The following KCNQ5 variants were observed in gnomAD, a reference collection of about 807,000 sequenced individuals.
KCNQ5 encodes the protein potassium voltage-gated channel subfamily Q member 5, also known as potassium voltage-gated channel subfamily KQT member 5.
KCNQ5 carries 30 observed loss-of-function variants against 98.2 expected under a neutral mutation model. The observed-to-expected ratio is 0.31, with a 90% CI of 0.23 to 0.41. The LOEUF is 0.41. Ranked by LOEUF, KCNQ5 falls within the 10% of genes least tolerant of loss-of-function variation. The pLI is 1.00. For missense variants in KCNQ5, 835 were observed against 1,182.5 expected (o/e 0.71, Z 4.31); for synonymous variants, 458 against 449.4 (o/e 1.02, Z -0.24).
At chr6:72,789,929 A>T (rs1773945479) in intron 1 of KCNQ5, among the ~76,000 whole-genome samples, 1 of 152,196 alleles carries the variant, frequency 6.6e-6, no homozygotes, top group African/African-American at 2.4e-5. Context: ...CTTACGTTTC[A>T]CAAAGGACCA....
At chr6:73,169,718 T>G in intron 10 of KCNQ5, 28 bp from the exon 11 acceptor site, 2 of 1,476,042 alleles carry the variant, frequency 1.4e-6, no homozygotes, top group Non-Finnish European at 1.9e-6. Flanking sequence ...GATGGTGGTG[T>G]TATTTAACTG....
intron 1 of KCNQ5, among the ~76,000 whole-genome samples, chr6:72,874,614 C>T (rs1778335957): frequency 6.6e-6 from 1 of 152,032 alleles, no homozygotes; most frequent in African/African-American, 2.4e-5. Context: ...AATAATGATA[C>T]CATAAATAAT....
chr6:72,752,897 G>A (rs2154476666), intron 1 of KCNQ5, among the ~76,000 whole-genome samples: 1 of 152,218 alleles, frequency 6.6e-6, no homozygotes, highest in South Asian at 2.1e-4. Context: ...AGAATGAATT[G>A]ATCGAGGTTC....
chr6:73,023,016 G>A (rs1244838007), intron 2 of KCNQ5, among the ~76,000 whole-genome samples: 1 of 152,200 alleles, frequency 6.6e-6, no homozygotes, highest in Non-Finnish European at 1.5e-5. Context: ...TTGGTTTTGA[G>A]AAAGATAATT....
At chr6:72,666,276 A>C (rs1459013004) in intron 1 of KCNQ5, among the ~76,000 whole-genome samples, 2 of 152,214 alleles carry the variant, frequency 1.3e-5, no homozygotes, top group Non-Finnish European at 2.9e-5. Flanking sequence ...ATAATTTAAA[A>C]AGTCTCTAAA....
intron 1 of KCNQ5, among the ~76,000 whole-genome samples, chr6:72,666,659 T>G (rs1291648234): frequency 1.3e-5 from 2 of 152,198 alleles, no homozygotes; most frequent in African/African-American, 4.8e-5. Flanking sequence ...TGATCTGAAA[T>G]ACAGATTTAT....
intron 1 of KCNQ5, among the ~76,000 whole-genome samples, chr6:72,895,474 T>A (rs1779214433): frequency 6.6e-6 from 1 of 151,496 alleles, no homozygotes; most frequent in Non-Finnish European, 1.5e-5. Context: ...TAGGACTTTT[T>A]GAAGGAAAAG....
chr6:72,739,998 T>C (rs1376793767), intron 1 of KCNQ5, among the ~76,000 whole-genome samples: 2 of 152,216 alleles, frequency 1.3e-5, no homozygotes, highest in African/African-American at 2.4e-5. Context: ...AGGCAAGACT[T>C]ACTTGGATTA....
At chr6:73,125,245 C>T (rs1295470805) in intron 9 of KCNQ5, among the ~76,000 whole-genome samples, 2 of 151,230 alleles carry the variant, frequency 1.3e-5, no homozygotes, top group Non-Finnish European at 2.9e-5. Context: ...TGGAATGAGT[C>T]GTCAGATTAC....
chr6:73,122,265 A>G (rs959013406), intron 8 of KCNQ5, among the ~76,000 whole-genome samples: 1 of 152,212 alleles, frequency 6.6e-6, no homozygotes, highest in Non-Finnish European at 1.5e-5. Flanking sequence ...TTCTCAAGTG[A>G]CAGAGGAGAG....
At chr6:72,687,502 A>G (rs1483511451) in intron 1 of KCNQ5, among the ~76,000 whole-genome samples, 1 of 152,220 alleles carries the variant, frequency 6.6e-6, no homozygotes, top group African/African-American at 2.4e-5. Context: ...TAAGTCGACA[A>G]TGACAATACA....
At chr6:72,845,123 A>G (rs1776962166) in intron 1 of KCNQ5, among the ~76,000 whole-genome samples, 1 of 152,208 alleles carries the variant, frequency 6.6e-6, no homozygotes, top group Admixed American at 6.5e-5. Context: ...ATCCTCTTTA[A>G]TAGAAGGGTA....
intron 1 of KCNQ5, among the ~76,000 whole-genome samples, chr6:72,668,992 A>G (rs1167673375): frequency 6.6e-6 from 1 of 152,040 alleles, no homozygotes; most frequent in African/African-American, 2.4e-5. Flanking sequence ...TTATGGAGGG[A>G]CACACACATT....
At chr6:72,838,261 T>G (rs571524226) in intron 1 of KCNQ5, among the ~76,000 whole-genome samples, 1 of 152,168 alleles carries the variant, frequency 6.6e-6, no homozygotes, top group Non-Finnish European at 1.5e-5. Context: ...GATTGAATAC[T>G]TCCTTTGCTT....
At chr6:72,642,550 A>T (rs543696991) in intron 1 of KCNQ5, among the ~76,000 whole-genome samples, 3 of 152,310 alleles carry the variant, frequency 2.0e-5, no homozygotes, top group African/African-American at 7.2e-5. Flanking sequence ...AATCAAAACC[A>T]CAATGAGATA....
chr6:72,820,559 TA>T (rs2150113169), intron 1 of KCNQ5, among the ~76,000 whole-genome samples: 1 of 152,184 alleles, frequency 6.6e-6, no homozygotes, highest in East Asian at 1.9e-4. Context: ...TGTTCTTTAA[TA>T]AGCAGTGTAT....
At chr6:72,904,352 C>T (rs1304871088) in intron 1 of KCNQ5, among the ~76,000 whole-genome samples, 1 of 152,146 alleles carries the variant, frequency 6.6e-6, no homozygotes. Context: ...CACTTACATT[C>T]AATGTTAGTA....
At chr6:72,975,703 T>A (rs1481086381) in intron 1 of KCNQ5, among the ~76,000 whole-genome samples, 1 of 152,252 alleles carries the variant, frequency 6.6e-6, no homozygotes, top group Non-Finnish European at 1.5e-5. Context: ...GAAGATTTTG[T>A]TTTCTGCTGT....
intron 1 of KCNQ5, among the ~76,000 whole-genome samples, chr6:72,943,602 T>C (rs1231752781): frequency 1.3e-5 from 2 of 152,158 alleles, no homozygotes; most frequent in East Asian, 3.9e-4. Context: ...TTACTAAGAG[T>C]GAGTTAAATA....
Sources: gnomAD v4.1 joint callset for allele counts (sites outside exome capture counted in the v4.1 genomes callset) on GRCh38, gnomAD v4.1.1 for gene constraint, MANE v1.5 for transcripts, NCBI Gene and HGNC (gene_info 2026-07-23, HGNC 2026-07-21) for gene names.